The following PDE4D variants were observed in gnomAD, a reference collection of about 807,000 sequenced individuals.
PDE4D encodes the protein phosphodiesterase 4D.
In PDE4D, 24 loss-of-function variants were observed where a neutral mutation model predicts 87.4. The ratio of observed to expected loss-of-function variants is 0.27; its 90% CI spans 0.20 to 0.39. The LOEUF (loss-of-function observed/expected upper bound fraction) is 0.39. Ranked by LOEUF, PDE4D falls within the 10% of genes least tolerant of loss-of-function variation. The pLI is 1.00. For missense variants in PDE4D, 714 were observed against 1,041.0 expected, an observed-to-expected ratio of 0.69 and a Z score of 4.32; for synonymous variants, 384 against 383.2, an observed-to-expected ratio of 1.00 and a Z score of -0.02.
intron 3 of PDE4D, among the ~76,000 whole-genome samples, chr5:59,970,376 G>T (rs1342382310): frequency 3.9e-5 from 6 of 152,116 alleles, no homozygotes; most frequent in Non-Finnish European, 1.5e-5. Flanking sequence ...TTAAACTAAA[G>T]AGCTTCTGTA....
intron 1 of PDE4D, among the ~76,000 whole-genome samples, chr5:59,710,060 G>A (rs746351123): frequency 6.6e-6 from 1 of 152,112 alleles, no homozygotes; most frequent in Non-Finnish European, 1.5e-5. Context: ...GATTCTGGGT[G>A]AGACATGGTG....
At chr5:60,458,386 C>CAAAAAAAAAAAAAAAAAAAAA (rs61006284) in intron 1 of PDE4D, among the ~76,000 whole-genome samples, 2 of 75,184 alleles carry the variant, frequency 2.7e-5, no homozygotes, top group African/African-American at 1.1e-4. Flanking sequence ...GACTTCATTG[C>CAAAAAAAAAAAAAAAAAAAAA]AAAAAAAAAA....
chr5:60,351,011 A>G lies in PDE4D; in HGVS notation c.-90+136931T>C, dbSNP rs145416244. 1.7e-4 allele frequency among the ~76,000 whole-genome samples: 26 copies of G among 152,322 alleles called. No homozygotes were observed. The East Asian group carries it at 5.0e-3, about 29-fold the overall frequency. On this transcript the variant is annotated intron_variant, in intron 1 of 16. Coordinates refer to the PDE4D transcript ENST00000502484. ...GGATTAAAAACTACAACAAGCAGAT[A>G]AAAAGGTCTCAGGTGCCGTTGCTGA...
intron 1 of PDE4D, among the ~76,000 whole-genome samples, chr5:59,285,927 A>G (rs1766859498): frequency 6.6e-6 from 1 of 152,140 alleles, no homozygotes; most frequent in African/African-American, 2.4e-5. Context: ...TGGAGCCACT[A>G]CTAAGTGTTG....
chr5:59,255,715 T>C (rs1382776263), intron 1 of PDE4D, among the ~76,000 whole-genome samples: 1 of 152,058 alleles, frequency 6.6e-6, no homozygotes, highest in Non-Finnish European at 1.5e-5. Context: ...TTCTTTTTGT[T>C]TAAAAAGGGA....
intron 2 of PDE4D, among the ~76,000 whole-genome samples, chr5:60,141,646 A>G (rs1198801051): frequency 3.9e-5 from 6 of 152,134 alleles, no homozygotes; most frequent in African/African-American, 1.4e-4. Context: ...CACCCTTTTC[A>G]GAATTCCTGC....
intron 1 of PDE4D, among the ~76,000 whole-genome samples, chr5:59,629,366 G>C (rs1252346913): frequency 6.6e-6 from 1 of 152,092 alleles, no homozygotes; most frequent in African/African-American, 2.4e-5. Context: ...CTACTTCAAT[G>C]TGACTGGTGT....
chr5:60,310,426 A>G (rs1333037928), intron 1 of PDE4D, among the ~76,000 whole-genome samples: 2 of 152,198 alleles, frequency 1.3e-5, no homozygotes, highest in Non-Finnish European at 2.9e-5. Context: ...TCACTTGGAG[A>G]AGGGAAGGTT....
intron 5 of PDE4D, among the ~76,000 whole-genome samples, chr5:59,055,523 C>T (rs1323159507): frequency 6.6e-6 from 1 of 152,198 alleles, no homozygotes; most frequent in African/African-American, 2.4e-5. Flanking sequence ...AGTTCCCTCT[C>T]TGCATACTTG....
chr5:60,484,605 G>A (rs143742343), intron 1 of PDE4D, among the ~76,000 whole-genome samples: 172 of 152,036 alleles, frequency 1.1e-3, no homozygotes, highest in African/African-American at 3.9e-3. Flanking sequence ...TAAACCTATC[G>A]GTATTTTTAA....
chr5:59,028,125 A>G (rs1756587821), intron 6 of PDE4D, among the ~76,000 whole-genome samples: 3 of 152,184 alleles, frequency 2.0e-5, no homozygotes, highest in African/African-American at 7.2e-5. Context: ...CATTTCTGCT[A>G]GAAAAAGCTC....
At chr5:60,240,036 G>A (rs189571248) in intron 1 of PDE4D, among the ~76,000 whole-genome samples, 4 of 152,086 alleles carry the variant, frequency 2.6e-5, no homozygotes, top group Admixed American at 1.3e-4. Flanking sequence ...TAGCTGTAAT[G>A]TTTCCAGTGG....
chr5:59,480,998 C>A (rs536374908), intron 1 of PDE4D, among the ~76,000 whole-genome samples: 1 of 152,134 alleles, frequency 6.6e-6, no homozygotes, highest in Non-Finnish European at 1.5e-5. Context: ...ACTTGCACAG[C>A]AGAATGTTCC....
At position 59,053,655 on chromosome 5, in the gene PDE4D, G is replaced by GTTTTT. The variant is rs1367942598; in HGVS notation, c.809-14685_809-14684insAAAAA. ...GTTGTTTTGTTTTTTGTTTTTTTTTGTTGTTGTTTTTTTTTTTTGGCCAGG... is the reference window on the plus strand; with the variant it reads ...GTTGTTTTGTTTTTTGTTTTTTTTTGTTTTTTTGTTGTTTTTTTTTTTTGGCCAGG... On this transcript the variant is annotated intron_variant, in intron 5 of 14. Coordinates refer to ENST00000340635, the MANE Select transcript of PDE4D (RefSeq NM_001104631.2). Among the ~76,000 whole-genome samples, 10 of 74,910 alleles carry GTTTTT rather than the reference G, an allele frequency of 1.3e-4. No homozygotes were observed. The East Asian group carries it at 1.6e-3, about 12-fold the overall frequency. The allele number at this position is 74,910 out of a possible 152,430, so 49.1% of individuals were successfully genotyped here.
chr5:59,085,066 T>C (rs1767420210), intron 5 of PDE4D, among the ~76,000 whole-genome samples: 1 of 152,150 alleles, frequency 6.6e-6, no homozygotes, highest in Non-Finnish European at 1.5e-5. Context: ...TCTAGAAATA[T>C]ATAGTAAGAA....
At chr5:59,087,476 C>G (rs1014057998) in intron 5 of PDE4D, among the ~76,000 whole-genome samples, 7 of 151,778 alleles carry the variant, frequency 4.6e-5, no homozygotes, top group Admixed American at 3.9e-4. Context: ...AGAGCAAGAC[C>G]CTATCTCAAT....
intron 1 of PDE4D, among the ~76,000 whole-genome samples, chr5:60,371,203 C>T (rs1011273985): frequency 6.6e-6 from 1 of 152,320 alleles, no homozygotes; most frequent in Non-Finnish European, 1.5e-5. Context: ...GGTTGCACTA[C>T]GCGAATGGCC....
At chr5:60,142,411 G>A (rs1265799699) in intron 2 of PDE4D, among the ~76,000 whole-genome samples, 1 of 152,176 alleles carries the variant, frequency 6.6e-6, no homozygotes, top group Admixed American at 6.5e-5. Context: ...GAAAGATTAA[G>A]TGACTCTGGG....
In PDE4D at chr5:58,991,865, T is replaced by G; in HGVS notation, c.1155A>C (p.Gly385=). Residue 385 remains glycine (G), a synonymous_variant, in exon 8 of 15, where the codon GGA becomes GGC. Transcript: ENST00000340635. ...GGACATCTTCTTGTTCAGTTTTAAC[T>G]CCAAACCTTGGGATACTTGAATTAG... ...SLTNSSIPRF[G]VKTEQEDVLA... 6.4e-7 allele frequency: 1 copy of G among 1,559,086 alleles called. No homozygotes were observed. Among genetic ancestry groups the G allele is most frequent in the Non-Finnish European group, 8.7e-7 (1 of 1,155,480 alleles).
Sources: allele counts gnomAD v4.1 joint callset (sites outside exome capture counted in the v4.1 genomes callset), GRCh38; gene constraint gnomAD v4.1.1; transcripts MANE v1.5; gene names NCBI Gene and HGNC (gene_info 2026-07-23, HGNC 2026-07-21).